The following INSL6 variants were observed in gnomAD, a reference collection of about 807,000 sequenced individuals.
The protein encoded by INSL6 is insulin like 6.
A neutral mutation model predicts 9.4 loss-of-function variants in INSL6; 16 were observed. That is an observed-to-expected ratio of 1.70 (90% CI 1.15 to 2.59). The LOEUF (loss-of-function observed/expected upper bound fraction) is 2.59, where lower values mean the gene tolerates loss of function less well. INSL6 is among the 30% of genes most tolerant of loss of function. INSL6 has a pLI of 0.00. For synonymous variants in INSL6, 154 were observed against 96.9 expected (o/e 1.59, Z -3.46); for missense variants, 391 against 257.3 (o/e 1.52, Z -3.56).
chr9:5,085,717 T>C, the INSL6 span: 1 of 751,780 alleles, frequency 1.3e-6, no homozygotes, highest in Admixed American at 1.8e-5. Flanking sequence ...GCAGTGTGGA[T>C]CATTTCTGCA....
chr9:5,114,810 C>T, the INSL6 span: 3 of 279,158 alleles, frequency 1.1e-5, no homozygotes, highest in Non-Finnish European at 2.1e-5. Context: ...CATTAAATGT[C>T]CTCCTGCCTT....
the INSL6 span, among the ~76,000 whole-genome samples, chr9:5,061,630 G>C: frequency 1.3e-5 from 2 of 152,186 alleles, no homozygotes; most frequent in African/African-American, 4.8e-5. Context: ...TGTTATGGCT[G>C]GTTTGATCTT....
chr9:5,062,335 G>A, the INSL6 span, among the ~76,000 whole-genome samples: 1 of 151,554 alleles, frequency 6.6e-6, no homozygotes, highest in African/African-American at 2.4e-5. Context: ...TTACATCAAA[G>A]GTCATTGATC....
chr9:5,095,377 C>A, the INSL6 span, among the ~76,000 whole-genome samples: 8 of 151,990 alleles, frequency 5.3e-5, no homozygotes, highest in African/African-American at 1.9e-4. Context: ...AACAAATCTC[C>A]ACTCTACAGA....
chr9:5,020,861 T>G, the INSL6 span, among the ~76,000 whole-genome samples: 1 of 152,030 alleles, frequency 6.6e-6, no homozygotes, highest in African/African-American at 2.4e-5. Flanking sequence ...CAGGGGCTGT[T>G]GGGCTCCAGG....
chr9:5,137,766 T>G (rs200157931), intron 2 of INSL6, among the ~76,000 whole-genome samples: 1 of 151,994 alleles, frequency 6.6e-6, no homozygotes, highest in Non-Finnish European at 1.5e-5. Context: ...AGAGCTTCTG[T>G]ACAGCAAAAG....
At chr9:5,069,830 C>A in the INSL6 span, 2 of 667,438 alleles carry the variant, frequency 3.0e-6, no homozygotes, top group Non-Finnish European at 4.5e-6. Context: ...TTAAGCATTT[C>A]TTATACGTAG....
chr9:5,064,896 G>T, the INSL6 span: 1 of 1,579,912 alleles, frequency 6.3e-7, no homozygotes, highest in South Asian at 1.2e-5. Flanking sequence ...ATTGAACTTA[G>T]CTCATTAAGG....
At chr9:5,149,086 A>G (rs1364650926) in intron 2 of INSL6, among the ~76,000 whole-genome samples, 2 of 152,162 alleles carry the variant, frequency 1.3e-5, no homozygotes, top group Non-Finnish European at 2.9e-5. Context: ...CCTAGCTCTG[A>G]GCTTGCTTTA....
chr9:5,170,969 A>G (rs1825168279), intron 1 of INSL6, among the ~76,000 whole-genome samples: 1 of 151,982 alleles, frequency 6.6e-6, no homozygotes, highest in African/African-American at 2.4e-5. Context: ...AAAAGGAGGA[A>G]CTCCTCCCTA....
chr9:5,052,520 A>T, the INSL6 span, among the ~76,000 whole-genome samples: 1 of 152,118 alleles, frequency 6.6e-6, no homozygotes, highest in Non-Finnish European at 1.5e-5. Flanking sequence ...AATCTCACCC[A>T]TTTAAAATAT....
At chr9:5,179,079 A>C (rs1288038419) in intron 1 of INSL6, among the ~76,000 whole-genome samples, 1 of 151,934 alleles carries the variant, frequency 6.6e-6, no homozygotes, top group African/African-American at 2.4e-5. Context: ...TGAACAGACA[A>C]CCTACAGAAT....
chr9:5,111,497 G>T, the INSL6 span: 1 of 369,830 alleles, frequency 2.7e-6, no homozygotes, highest in Non-Finnish European at 5.3e-6. Flanking sequence ...CGGTAGGGAT[G>T]CCGCCGCCTA....
the INSL6 span, among the ~76,000 whole-genome samples, chr9:5,004,504 A>G: frequency 6.6e-6 from 1 of 152,174 alleles, no homozygotes; most frequent in African/African-American, 2.4e-5. Flanking sequence ...TCTATTGTGT[A>G]CATATGCTGT....
chr9:5,182,959 T>C (rs1458331212), intron 1 of INSL6, among the ~76,000 whole-genome samples: 2 of 152,186 alleles, frequency 1.3e-5, no homozygotes, highest in East Asian at 1.9e-4. Context: ...AATAGCAGCG[T>C]AGCAAATTAT....
the INSL6 span, among the ~76,000 whole-genome samples, chr9:5,017,216 C>G: frequency 6.6e-6 from 1 of 151,876 alleles, no homozygotes; most frequent in Non-Finnish European, 1.5e-5. Flanking sequence ...ATATTTTTTT[C>G]AAAGACTACA....
downstream of INSL6, among the ~76,000 whole-genome samples, chr9:5,163,347 G>A (rs890805295): frequency 1.3e-5 from 2 of 152,174 alleles, no homozygotes; most frequent in African/African-American, 2.4e-5. Context: ...GGGTATCTTG[G>A]AGAGATTTTA....
the INSL6 span, chr9:5,081,859 A>C: frequency 1.9e-6 from 3 of 1,612,070 alleles, no homozygotes; most frequent in African/African-American, 4.0e-5. Flanking sequence ...GCAACTTGGC[A>C]AGGTAAATTG....
chr9:5,110,841 T>C, the INSL6 span: 1 of 460,996 alleles, frequency 2.2e-6, no homozygotes. Context: ...TCGGGGAAGG[T>C]GGGGGGGACG....
Sources: gnomAD v4.1 joint callset for allele counts (sites outside exome capture counted in the v4.1 genomes callset) on GRCh38, gnomAD v4.1.1 for gene constraint, MANE v1.5 for transcripts, NCBI Gene and HGNC (gene_info 2026-07-23, HGNC 2026-07-21) for gene names.